ADCY4: variants seen among roughly 807,000 people sequenced by gnomAD.
ADCY4 encodes adenylate cyclase 4.
Under a neutral mutation model 125.5 loss-of-function variants are expected in ADCY4, and 111 were observed. The ratio of observed to expected loss-of-function variants is 0.88; its 90% CI spans 0.76 to 1.04. The LOEUF (loss-of-function observed/expected upper bound fraction) is 1.04, where lower values mean the gene tolerates loss of function less well. Among genes scored for constraint, ADCY4 ranks in the 50% least tolerant of loss-of-function variants. The pLI is 0.00. For missense variants in ADCY4, 1,256 were observed against 1,382.9 expected (o/e 0.91, Z 1.46); for synonymous variants, 576 against 586.9 (o/e 0.98, Z 0.27).
chr14:24,334,313 T>C (rs2042098101), intron 1 of ADCY4, among the ~76,000 whole-genome samples, 181 bp downstream of exon 1: 1 of 152,220 alleles, frequency 6.6e-6, no homozygotes, highest in Non-Finnish European at 1.5e-5. Flanking sequence ...GCTTTCTCCC[T>C]GAGCAGACCC....
In ADCY4 at chr14:24,334,949, A is replaced by G. The variant is rs2042110382; in HGVS notation, c.-297T>C. 3.3e-6 allele frequency: 1 copy of G among 303,934 alleles called. No individual in the cohort carries two copies. The highest frequency in any genetic ancestry group is 5.2e-5 in the Admixed American group (1 of 19,192). The allele number at this position is 303,934 out of a possible 1,614,324, so 18.8% of individuals were successfully genotyped here. A position where few individuals can be genotyped will look rare whatever the true frequency, so the allele number is the denominator to read the frequency against. ...GAGGGCAGGATTTGGGGTTGGTGCGAGGGAGCCCCGGGTTCCCCTGATCCC... is the reference window on the plus strand; with the variant it reads ...GAGGGCAGGATTTGGGGTTGGTGCGGGGGAGCCCCGGGTTCCCCTGATCCC... On this transcript the variant is annotated 5_prime_UTR_variant, in exon 1 of 25. Transcript: ENST00000418030.
Position 24,318,547 on chromosome 14 carries a change from C to A in ADCY4, c.3103G>T (p.Ala1035Ser), listed in dbSNP as rs749026882. 6.2e-7 allele frequency: 1 copy of A among 1,614,180 alleles called. No individual in the cohort carries two copies. The highest frequency in any genetic ancestry group is 2.2e-5 in the East Asian group (1 of 44,880). Reference protein sequence around the residue: ...KIQVTEETAWALQSLGYTCYS... With the variant: ...KIQVTEETAWSLQSLGYTCYS... ...CAGGTGTAGCCCAGGGACTGTAGGG[C>A]CCATGCTGTCTCCTCAGTCACCTAC... is the stretch of plus-strand genomic sequence containing the variant. The change falls in exon 25 of 25, where the codon GCC becomes TCC. Residue 1035 changes from alanine (A) to serine (S), a missense_variant. Physicochemically the swap from Ala to Ser is moderately conservative, Grantham distance 99. Transcript: ENST00000418030.
chr14:24,321,931 A>G (rs2041857762), intron 20 of ADCY4, 135 bp downstream of exon 20: 4 of 1,406,904 alleles, frequency 2.8e-6, no homozygotes, highest in Non-Finnish European at 3.7e-6. Context: ...TGTGAAAACA[A>G]AGACGCTTGA....
In ADCY4 at chr14:24,325,472, G is replaced by C; in HGVS notation, c.1728C>G (p.Tyr576Ter). The change falls in exon 14 of 25, where the codon TAC (tyrosine) becomes TAG (stop). Residue 576 changes from tyrosine (Y) to a stop codon, truncating the protein, a stop_gained and splice_region_variant. Coordinates refer to ENST00000418030, the MANE Select transcript of ADCY4 (RefSeq NM_001198568.2). LOFTEE classifies it high-confidence loss of function. The part of the protein sequence containing the change: ...YFREKEMEKE[Y>*]RLSAIPAFKY... ...TGAAGGCGGGGATTGCAGAGAGTCG[G>C]TACTGAAAGTGAGAGGGCCAGAGGT... 6.2e-7 allele frequency: 1 copy of C among 1,613,230 alleles called. No homozygotes were observed. The highest frequency in any genetic ancestry group is 8.5e-7 in the Non-Finnish European group (1 of 1,179,476).
In ADCY4 at chr14:24,331,307, T is replaced by C; in HGVS notation, c.719A>G (p.Lys240Arg). The change falls in exon 5 of 25, where the codon AAG (lysine) becomes AGG (arginine). Residue 240 changes from lysine to arginine, a missense_variant. Lys to Arg is a conservative substitution (Grantham distance 26). Transcript: ENST00000418030. ...ILPAYLAREM[K>R]AEIMARLQAG... ...CTGCAGCCGTGCCATGATCTCTGCC[T>C]TCATCTCTCGGGCCAGGTAGGCAGG... is the stretch of plus-strand genomic sequence containing the variant. 2 of 1,614,118 alleles carry C rather than the reference T, an allele frequency of 1.2e-6. No individual in the cohort carries two copies. Among genetic ancestry groups the C allele is most frequent in the Non-Finnish European group, 1.7e-6 (2 of 1,180,020 alleles).
At position 24,328,874 on chromosome 14, in the gene ADCY4, C is replaced by T. The variant is rs1345537062; in HGVS notation, c.1524+187G>A. On this transcript the variant is annotated intron_variant, in intron 10 of 24. Coordinates refer to ENST00000418030, the MANE Select transcript of ADCY4 (RefSeq NM_001198568.2). ...TGAGGTGAGCTGGAGGGCTCTTTCT[C>T]TAGAAGGAGGGGCAAGGAAGGGCCT... 5.6e-6 allele frequency: 4 copies of T among 709,296 alleles called. No individual in the cohort carries two copies. In the African/African-American group the frequency reaches 7.2e-5, roughly 13 times the overall value. The allele number at this position is 709,296 out of a possible 1,614,324, so 43.9% of individuals were successfully genotyped here.
Position 24,323,086 on chromosome 14 carries a change from G to A in ADCY4, c.2160C>T (p.Tyr720=), listed in dbSNP as rs759401194. ...PGSLPLISVP[Y]SMHCCTLGFL... ...AGCCCAGCGTGCAGCAGTGCATGGAGTACTGTGGGGCCAGGCAGGGGTCAG... is the reference window on the plus strand; with the variant it reads ...AGCCCAGCGTGCAGCAGTGCATGGAATACTGTGGGGCCAGGCAGGGGTCAG... The change falls in exon 18 of 25, where the codon TAC becomes TAT. Residue 720 remains tyrosine (Y), a splice_region_variant and synonymous_variant. Transcript: ENST00000418030. 1.9e-6 allele frequency: 3 copies of A among 1,613,970 alleles called. No individual in the cohort carries two copies. Among genetic ancestry groups the A allele is most frequent in the South Asian group, 1.1e-5 (1 of 91,068 alleles).
intron 1 of ADCY4, 43 bp downstream of exon 1, chr14:24,334,451 G>A: frequency 6.6e-7 from 1 of 1,525,092 alleles, no homozygotes; most frequent in Non-Finnish European, 8.7e-7. Flanking sequence ...CCCCGAAAAT[G>A]CTCCCCAGGT....
chr14:24,323,334 G>A lies in ADCY4; in HGVS notation c.2157+10C>T. ...GCAGAAGGAGATTAAGGGCATGTGG[G>A]AACACTCACTGGGACACTGATGAGA... On this transcript the variant is annotated intron_variant, in intron 17 of 24. Transcript: ENST00000418030. 6.5e-7 allele frequency: 1 copy of A among 1,545,550 alleles called. No homozygotes were observed. The highest frequency in any genetic ancestry group is 2.4e-5 in the East Asian group (1 of 41,000).
At chr14:24,329,569 G>A in intron 8 of ADCY4, 36 bp from the exon 9 acceptor site, 2 of 1,503,392 alleles carry the variant, frequency 1.3e-6, no homozygotes, top group Non-Finnish European at 1.8e-6. Context: ...CAGCAGGGAG[G>A]GCCTTCAAAT....
Position 24,319,850 on chromosome 14 carries a change from G to A in ADCY4, c.2625C>T (p.Leu875=). 1 of 1,614,078 alleles carries A rather than the reference G, an allele frequency of 6.2e-7. No homozygotes were observed. Among genetic ancestry groups the A allele is most frequent in the Non-Finnish European group, 8.5e-7 (1 of 1,180,026 alleles). ...CCTTGAAGTCTGGGACTGAGGCGAA[G>A]AGGACACAAACGCATTCATAGGACT... is the stretch of plus-strand genomic sequence containing the variant. ...YHQSYECVCV[L]FASVPDFKEF... The change falls in exon 21 of 25, where the codon CTC becomes CTT. Residue 875 remains leucine, a synonymous_variant. Coordinates refer to ENST00000418030, the MANE Select transcript of ADCY4 (RefSeq NM_001198568.2). This position sits in a 1 kb window ranked among gnomAD's most constrained non-coding sequence, Gnocchi z 4.5.
intron 1 of ADCY4, 150 bp from the exon 2 acceptor site, chr14:24,333,138 T>C: frequency 1.4e-6 from 1 of 699,252 alleles, no homozygotes; most frequent in Middle Eastern, 3.9e-4. Flanking sequence ...CCGCTTGCCA[T>C]TCACTTTAGG....
In ADCY4 at chr14:24,335,026, G is replaced by A; in HGVS notation, c.-374C>T. 1 of 170,182 alleles carries A rather than the reference G, an allele frequency of 5.9e-6. No homozygotes were observed. Among genetic ancestry groups the A allele is most frequent in the Non-Finnish European group, 1.2e-5 (1 of 80,108 alleles). The allele number at this position is 170,182 out of a possible 1,614,324, so 10.5% of individuals were successfully genotyped here. A position where few individuals can be genotyped will look rare whatever the true frequency, so the allele number is the denominator to read the frequency against. Reference sequence around the variant, plus strand: ...CAGCGGAGTGGGCTAGGTCCGGGGAGGGAGCCGGGGACCTGATGGCGGAGT... The same window carrying A: ...CAGCGGAGTGGGCTAGGTCCGGGGAAGGAGCCGGGGACCTGATGGCGGAGT... On this transcript the variant is annotated 5_prime_UTR_variant, in exon 1 of 25. Transcript: ENST00000418030.
chr14:24,323,764 G>C (rs1488537464), intron 16 of ADCY4: 3 of 600,142 alleles, frequency 5.0e-6, no homozygotes, highest in Non-Finnish European at 6.3e-6. Context: ...GTGCCCACCA[G>C]GAATAGAATT....
Position 24,325,461 on chromosome 14 carries a change from G to A in ADCY4, c.1739C>T (p.Ala580Val), listed in dbSNP as rs776398305. 1 of 1,613,744 alleles carries A rather than the reference G, an allele frequency of 6.2e-7. No homozygotes were observed. Among genetic ancestry groups the A allele is most frequent in the South Asian group, 1.1e-5 (1 of 91,074 alleles). The part of the protein sequence containing the change: ...KEMEKEYRLS[A>V]IPAFKYYEAC... Reference sequence around the variant, plus strand: ...TTCATAGTATTTGAAGGCGGGGATTGCAGAGAGTCGGTACTGAAAGTGAGA... The same window carrying A: ...TTCATAGTATTTGAAGGCGGGGATTACAGAGAGTCGGTACTGAAAGTGAGA... The change falls in exon 14 of 25, where the codon GCA becomes GTA. Residue 580 changes from alanine to valine, a missense_variant. By Grantham distance (64) the Ala-to-Val change is moderately conservative. Coordinates refer to ENST00000418030, the MANE Select transcript of ADCY4 (RefSeq NM_001198568.2).
intron 1 of ADCY4, 79 bp downstream of exon 1, chr14:24,334,415 C>T (rs2042099875): frequency 6.8e-7 from 1 of 1,460,772 alleles, no homozygotes; most frequent in South Asian, 1.4e-5. Context: ...GAAAACACAT[C>T]GAAAAGAAGA....
In ADCY4 at chr14:24,318,760, A is replaced by G; in HGVS notation, c.2975T>C (p.Val992Ala). 6.2e-7 allele frequency: 1 copy of G among 1,614,064 alleles called. No individual in the cohort carries two copies. Among genetic ancestry groups the G allele is most frequent in the South Asian group, 1.1e-5 (1 of 91,084 alleles). ...RLRVGLNHGP[V>A]VAGVIGAQKP... ...CTGGGCCCCAATAACTCCAGCTACT[A>G]CGGGTCCATGGTTCAACCCTAATGA... is the stretch of plus-strand genomic sequence containing the variant. The change falls in exon 24 of 25, where the codon GTA (valine) becomes GCA (alanine). Residue 992 changes from valine (V) to alanine (A), a missense_variant. Physicochemically the swap from Val to Ala is moderately conservative, Grantham distance 64. Coordinates refer to ENST00000418030, the MANE Select transcript of ADCY4 (RefSeq NM_001198568.2).
rs544278478 is a variant in ADCY4, at chr14:24,318,362, G to C, written c.*54C>G. The stretch of plus-strand genomic sequence containing the variant: ...TATCAGCAGCTTCAGACATCAATGG[G>C]CTCCAGACACCCCAGAGTCTCTTTA... On this transcript the variant is annotated 3_prime_UTR_variant, in exon 25 of 25. Transcript: ENST00000418030. The C allele has an allele frequency of 3.2e-6, 5 of 1,581,716 alleles. No homozygotes were observed. The East Asian group carries it at 1.1e-4, about 35-fold the overall frequency.
chr14:24,329,727 C>A, intron 8 of ADCY4, 133 bp downstream of exon 8: 1 of 1,436,028 alleles, frequency 7.0e-7, no homozygotes, highest in Admixed American at 2.3e-5. Flanking sequence ...ACCCTAGGAT[C>A]TCCCAAGCCC....
Sources: gnomAD v4.1 joint callset for allele counts (sites outside exome capture counted in the v4.1 genomes callset) on GRCh38, gnomAD v4.1.1 for gene constraint, Gnocchi (gnomAD v3.1) non-coding constraint, MANE v1.5 for transcripts, NCBI Gene and HGNC (gene_info 2026-07-23, HGNC 2026-07-21) for gene names.